The following ERBB4 variants were observed in gnomAD, a reference collection of about 807,000 sequenced individuals.
The protein encoded by ERBB4 is receptor tyrosine-protein kinase erbB-4.
In ERBB4, 42 loss-of-function variants were observed where a neutral mutation model predicts 158.0. That is an observed-to-expected ratio of 0.27 (90% confidence interval 0.21 to 0.34). The LOEUF (loss-of-function observed/expected upper bound fraction) is 0.34, where lower values mean the gene tolerates loss of function less well. Among genes scored for constraint, ERBB4 ranks in the 10% least tolerant of loss-of-function variants. The pLI is 1.00. For missense variants in ERBB4, 1,333 were observed against 1,624.1 expected (o/e 0.82, Z 3.08); for synonymous variants, 583 against 558.7 (o/e 1.04, Z -0.61).
intron 3 of ERBB4, among the ~76,000 whole-genome samples, chr2:211,877,349 T>C (rs2078531414): frequency 1.4e-5 from 2 of 147,464 alleles, no homozygotes; most frequent in Non-Finnish European, 3.0e-5. Flanking sequence ...CTCCAGATTA[T>C]GCTTTTTTTA....
chr2:211,839,353 T>C (rs1021883518), intron 3 of ERBB4, among the ~76,000 whole-genome samples: 9 of 123,464 alleles, frequency 7.3e-5, no homozygotes, highest in Non-Finnish European at 1.3e-4. Context: ...AGAATAGATA[T>C]ACAAGATATA....
chr2:212,134,903 G>A (rs937257377), intron 1 of ERBB4, among the ~76,000 whole-genome samples: 4 of 152,010 alleles, frequency 2.6e-5, no homozygotes, highest in East Asian at 1.9e-4. Flanking sequence ...AGCTAGGATG[G>A]TCTCGATCTC....
At chr2:212,205,277 C>T (rs1187459221) in intron 1 of ERBB4, among the ~76,000 whole-genome samples, 1 of 152,168 alleles carries the variant, frequency 6.6e-6, no homozygotes, top group Non-Finnish European at 1.5e-5. Context: ...CCTCCCACCT[C>T]AGCCTCCCAA....
intron 19 of ERBB4, among the ~76,000 whole-genome samples, chr2:211,591,643 C>T (rs531695741): frequency 2.3e-4 from 35 of 152,332 alleles, no homozygotes; most frequent in African/African-American, 8.2e-4. Context: ...TATTATAGCA[C>T]TAACTGCACT....
rs150624055 is a variant in ERBB4 at position 211,382,883 on chromosome 2, G to C, written c.*732C>G. 1.5e-3 allele frequency: 359 copies of C among 232,506 alleles called. No individual in the cohort carries two copies. Among genetic ancestry groups the C allele is most frequent in the African/African-American group, 7.3e-3 (330 of 45,384 alleles). The allele number at this position is 232,506 out of a possible 1,614,324, so 14.4% of individuals were successfully genotyped here. A position where few individuals can be genotyped will look rare whatever the true frequency, so the allele number is the denominator to read the frequency against. On this transcript the variant is annotated 3_prime_UTR_variant, in exon 28 of 28. Coordinates refer to ENST00000342788, the MANE Select transcript of ERBB4 (RefSeq NM_005235.3). ...TGCTTAAATTCTGTGAAGAAGCTTT[G>C]ATGTAAACATCTTTGCAATTAGAAA...
rs567960936 is a variant in ERBB4 at position 212,150,067 on chromosome 2, C to T, written c.83-25164G>A. Among the ~76,000 whole-genome samples the T allele has an allele frequency of 2.4e-4, 36 of 152,160 alleles. No homozygotes were observed. The South Asian group carries it at 3.3e-3, about 14-fold the overall frequency. ...GAGTGGAAGACGAAACTTGCAAAAC[C>T]GGGTATTCATTTCCTAAGGTTATTG... On this transcript the variant is annotated intron_variant, in intron 1 of 27. Coordinates refer to ENST00000342788, the MANE Select transcript of ERBB4 (RefSeq NM_005235.3).
At chr2:211,907,641 G>A (rs1195959229) in intron 3 of ERBB4, among the ~76,000 whole-genome samples, 3 of 151,350 alleles carry the variant, frequency 2.0e-5, no homozygotes. Context: ...AATACTATGA[G>A]CTTCACTCTA....
rs71054188 is a variant in ERBB4, at chr2:212,240,637, CAAAAAAAAAAAAAAA to C, written c.83-115749_83-115735del. On this transcript the variant is annotated intron_variant, in intron 1 of 27. Coordinates refer to ENST00000342788, the MANE Select transcript of ERBB4 (RefSeq NM_005235.3). Reference sequence around the variant, plus strand: ...TGGGCAACAGAGCGACACTCTGGCTCAAAAAAAAAAAAAAAAAAAAAAAAAAAAAACAGAAAAAAA... The same window carrying C: ...TGGGCAACAGAGCGACACTCTGGCTCAAAAAAAAAAAAAAACAGAAAAAAA... 1.0e-3 allele frequency among the ~76,000 whole-genome samples: 37 copies of C among 35,796 alleles called. 2 individuals are homozygous for C. The highest frequency in any genetic ancestry group is 3.2e-3 in the African/African-American group (30 of 9,326). The allele number at this position is 35,796 out of a possible 152,430, so 23.5% of individuals were successfully genotyped here.
At chr2:211,394,229 A>G (rs1290604232) in intron 25 of ERBB4, among the ~76,000 whole-genome samples, 1 of 152,204 alleles carries the variant, frequency 6.6e-6, no homozygotes, top group African/African-American at 2.4e-5. Context: ...AAGAAAGGGC[A>G]TAAAGAAATA....
At chr2:212,099,169 AAATAAATAAATAAAT>A (rs1003308813) in intron 2 of ERBB4, among the ~76,000 whole-genome samples, 44 of 122,980 alleles carry the variant, frequency 3.6e-4, no homozygotes, top group Middle Eastern at 8.2e-3. Context: ...ATAAATAAAT[AAATAAATAAATAAAT>A]AATAAATAAT....
At chr2:211,513,088 G>A (rs2065922182) in intron 20 of ERBB4, among the ~76,000 whole-genome samples, 1 of 151,736 alleles carries the variant, frequency 6.6e-6, no homozygotes, top group Non-Finnish European at 1.5e-5. Context: ...CTGCTTAAGT[G>A]TACAAAGATG....
In ERBB4 at chr2:212,209,067, C is replaced by T. The variant is rs566377539; in HGVS notation, c.83-84164G>A. Among the ~76,000 whole-genome samples the T allele has an allele frequency of 3.3e-5, 5 of 152,186 alleles. No individual in the cohort carries two copies. In the East Asian group the frequency reaches 7.7e-4, roughly 24 times the overall value. The stretch of plus-strand genomic sequence containing the variant: ...TAGACCCTCCTTTCCATTTTCTCAA[C>T]TTTGATAGCATCTGTGCTATATTAG... On this transcript the variant is annotated intron_variant, in intron 1 of 27. Transcript: ENST00000342788.
chr2:211,980,664 C>T (rs1200955464), intron 2 of ERBB4, among the ~76,000 whole-genome samples: 1 of 152,066 alleles, frequency 6.6e-6, no homozygotes, highest in East Asian at 1.9e-4. Flanking sequence ...CAAGACACCT[C>T]CTTAGATTCA....
intron 20 of ERBB4, among the ~76,000 whole-genome samples, chr2:211,468,126 A>G (rs1490853775): frequency 6.6e-6 from 1 of 152,200 alleles, no homozygotes; most frequent in East Asian, 1.9e-4. Context: ...GGTCACCTTT[A>G]GTATTCATGT....
chr2:211,386,092 C>T (rs2062678532), intron 27 of ERBB4, among the ~76,000 whole-genome samples: 1 of 152,146 alleles, frequency 6.6e-6, no homozygotes. Context: ...ACACTAAAGA[C>T]TGCGAGAGAC....
intron 1 of ERBB4, among the ~76,000 whole-genome samples, chr2:212,136,263 A>G (rs2080268162): frequency 6.6e-6 from 1 of 152,210 alleles, no homozygotes; most frequent in African/African-American, 2.4e-5. Context: ...GAAATGGACT[A>G]TGGCCTTTCT....
At chr2:211,690,799 T>A (rs539567037) in intron 12 of ERBB4, among the ~76,000 whole-genome samples, 17 of 152,330 alleles carry the variant, frequency 1.1e-4, no homozygotes, top group Admixed American at 9.8e-4. Context: ...GGCTCTGCAA[T>A]GGCTTACAGT....
intron 2 of ERBB4, among the ~76,000 whole-genome samples, chr2:212,053,170 G>C (rs2077450665): frequency 6.6e-6 from 1 of 152,036 alleles, no homozygotes; most frequent in South Asian, 2.1e-4. Flanking sequence ...GAAAGAGTGA[G>C]GCCGTGTCTC....
chr2:211,798,933 T>C (rs1452288681), intron 3 of ERBB4, among the ~76,000 whole-genome samples: 4 of 152,148 alleles, frequency 2.6e-5, no homozygotes, highest in Non-Finnish European at 2.9e-5. Flanking sequence ...AGTTAACCCT[T>C]TAGTAATTTC....
Sources: gnomAD v4.1 joint callset for allele counts (sites outside exome capture counted in the v4.1 genomes callset) on GRCh38, gnomAD v4.1.1 for gene constraint, MANE v1.5 for transcripts, NCBI Gene and HGNC (gene_info 2026-07-23, HGNC 2026-07-21) for gene names.